MICAL2: variants seen among roughly 807,000 people sequenced by gnomAD.
MICAL2 encodes the protein [F-actin]-monooxygenase MICAL2.
In MICAL2, 77 loss-of-function variants were observed where a neutral mutation model predicts 127.3. That is an observed-to-expected ratio of 0.60 (90% confidence interval 0.50 to 0.73). MICAL2 has a LOEUF of 0.73. MICAL2 is among the 30% of genes least tolerant of loss of function. The pLI is 0.00. For missense variants in MICAL2, 1,351 were observed against 1,434.4 expected (o/e 0.94, Z 0.94); for synonymous variants, 570 against 551.1 (o/e 1.03, Z -0.48).
chr11:12,216,901 A>T (rs1399686014), intron 8 of MICAL2, among the ~76,000 whole-genome samples: 1 of 152,150 alleles, frequency 6.6e-6, no homozygotes, highest in East Asian at 1.9e-4. Context: ...CAAACAGAAG[A>T]TATATATAGA....
downstream of MICAL2, among the ~76,000 whole-genome samples, chr11:12,359,334 C>CAA (rs138650957): frequency 2.9e-5 from 4 of 137,398 alleles, no homozygotes; most frequent in South Asian, 2.3e-4. Context: ...TTGATGATGG[C>CAA]AAAAAAAAAA....
At chr11:12,126,819 C>T (rs992474931) in intron 1 of MICAL2, among the ~76,000 whole-genome samples, 5 of 152,076 alleles carry the variant, frequency 3.3e-5, no homozygotes, top group African/African-American at 9.6e-5. Flanking sequence ...AAGGAGGCAG[C>T]GGTGGGTGTG....
chr11:12,187,305 G>A (rs1053528596), intron 3 of MICAL2, among the ~76,000 whole-genome samples: 1 of 152,204 alleles, frequency 6.6e-6, no homozygotes, highest in African/African-American at 2.4e-5. Flanking sequence ...ACATCTCTAA[G>A]ATTGCTTTAT....
intron 1 of MICAL2, among the ~76,000 whole-genome samples, chr11:12,126,362 C>A (rs1334262584): frequency 6.6e-6 from 1 of 152,138 alleles, no homozygotes; most frequent in Non-Finnish European, 1.5e-5. Flanking sequence ...ACCTGAGATG[C>A]TTTACAAATC....
At chr11:12,262,899 C>T (rs1054352787) in intron 27 of MICAL2, 13 of 200,400 alleles carry the variant, frequency 6.5e-5, no homozygotes, top group Non-Finnish European at 9.2e-5. Flanking sequence ...GCCTCTGTCA[C>T]CTTTGAAAAG....
intron 1 of MICAL2, among the ~76,000 whole-genome samples, chr11:12,137,579 G>T (rs1427518198): frequency 6.6e-6 from 1 of 152,094 alleles, no homozygotes; most frequent in Non-Finnish European, 1.5e-5. Context: ...TGTGCTCTTT[G>T]TGTGCTAGAG....
At chr11:12,293,968 G>T (rs763689363), downstream of MICAL2, 2 of 1,613,946 alleles carry the variant, frequency 1.2e-6, no homozygotes. Context: ...TGGGCCTGAA[G>T]AAGTTAGTCC....
chr11:12,290,354 T>C (rs1397680912), downstream of MICAL2, among the ~76,000 whole-genome samples: 1 of 152,106 alleles, frequency 6.6e-6, no homozygotes, highest in Non-Finnish European at 1.5e-5. Context: ...TCAGGCTTGT[T>C]TCCTGAGGTG....
chr11:12,154,680 A>G (rs1853970507), intron 2 of MICAL2, among the ~76,000 whole-genome samples: 1 of 152,146 alleles, frequency 6.6e-6, no homozygotes, highest in South Asian at 2.1e-4. Flanking sequence ...GCATTTTCCC[A>G]TGGATTAAAT....
intron 3 of MICAL2, among the ~76,000 whole-genome samples, chr11:12,185,616 G>T (rs1858135300): frequency 6.6e-6 from 1 of 152,128 alleles, no homozygotes. Context: ...TGTGGCTGGA[G>T]GAGACCAGGT....
At chr11:12,161,309 C>T (rs926841935) in intron 2 of MICAL2, 8 of 152,358 alleles carry the variant, frequency 5.3e-5, no homozygotes, top group African/African-American at 1.4e-4. Flanking sequence ...GAGCACCCAT[C>T]GCATTTTTCC....
chr11:12,352,916 C>T (rs1376689426), intron 33 of MICAL2, among the ~76,000 whole-genome samples: 1 of 152,204 alleles, frequency 6.6e-6, no homozygotes, highest in East Asian at 1.9e-4. Context: ...TCCATGCAGG[C>T]AGGAACGGGG....
chr11:12,136,255 T>C (rs7122292), intron 1 of MICAL2, among the ~76,000 whole-genome samples: 56,281 of 152,034 alleles, frequency 0.37, 10,541 homozygotes, highest in Middle Eastern at 0.43. Context: ...AAGGAAAATA[T>C]AGTGTCAGGG....
chr11:12,223,674 G>A (rs1198337972), intron 12 of MICAL2, among the ~76,000 whole-genome samples, 173 bp downstream of exon 12: 1 of 152,172 alleles, frequency 6.6e-6, no homozygotes, highest in Non-Finnish European at 1.5e-5. Context: ...TCCTCTGTGA[G>A]ACCAAGAGAA....
chr11:12,232,290 A>G (rs955701521), intron 15 of MICAL2, among the ~76,000 whole-genome samples: 3 of 152,340 alleles, frequency 2.0e-5, no homozygotes, highest in African/African-American at 7.2e-5. Context: ...TTTGCTCCTC[A>G]TGTCACCTTT....
At chr11:12,141,657 A>G (rs1274634502) in intron 2 of MICAL2, among the ~76,000 whole-genome samples, 1 of 152,168 alleles carries the variant, frequency 6.6e-6, no homozygotes, top group Non-Finnish European at 1.5e-5. Context: ...GGAAAATGGG[A>G]TTAAAGGTTG....
intron 15 of MICAL2, among the ~76,000 whole-genome samples, chr11:12,230,266 C>T (rs766575687): frequency 2.0e-5 from 3 of 152,320 alleles, no homozygotes; most frequent in East Asian, 1.9e-4. Context: ...GAGTCCACCT[C>T]GGTCTGGTCC....
rs1485044697 is a variant in MICAL2, at chr11:12,204,462, G to A, written c.472+5G>A. 6.2e-7 allele frequency: 1 copy of A among 1,613,802 alleles called. No homozygotes were observed. Among genetic ancestry groups the A allele is most frequent in the South Asian group, 1.1e-5 (1 of 91,078 alleles). On this transcript the variant is annotated splice_donor_5th_base_variant and intron_variant, in intron 4 of 27. Transcript: ENST00000683283. ...CTGGCTCCATCGACCATATCAGTGA[G>A]TGGAGTCTATGGTGATATCCCATGA...
Position 12,162,408 on chromosome 11 carries a change from A to G in MICAL2, c.253A>G (p.Thr85Ala). ...AGAGTATAAGCGAGGGAAGTCGTGC[A>G]CGAACACCAAGGTAAGGGGAAACCC... ...HKEYKRGKSC[T>A]NTKCLIVGGG... The change falls in exon 3 of 28, where the codon ACG becomes GCG. Residue 85 changes from threonine to alanine, a missense_variant. Thr to Ala is a moderately conservative substitution (Grantham distance 58). Around this residue, in one of 2 missense-constraint regions of MICAL2, gnomAD observed 599 missense variants for 714.9 expected, o/e 0.84. Coordinates refer to ENST00000683283, the MANE Select transcript of MICAL2 (RefSeq NM_001282663.2). 6.2e-7 allele frequency: 1 copy of G among 1,614,224 alleles called. No individual in the cohort carries two copies.
Sources: gnomAD v4.1 joint callset for allele counts (sites outside exome capture counted in the v4.1 genomes callset) on GRCh38, gnomAD v4.1.1 for gene constraint, gnomAD v4.1.1 regional missense constraint, MANE v1.5 for transcripts, NCBI Gene and HGNC (gene_info 2026-07-23, HGNC 2026-07-21) for gene names.